Variants in EBAG9 observed in about 807,000 individuals in gnomAD.
EBAG9 encodes the protein estrogen receptor binding site associated antigen 9.
Under a neutral mutation model 30.9 loss-of-function variants are expected in EBAG9, and 16 were observed. That is an observed-to-expected ratio of 0.52 (90% CI 0.35 to 0.79). The LOEUF (loss-of-function observed/expected upper bound fraction) is 0.79. EBAG9 is among the 30% of genes least tolerant of loss of function. The pLI is 0.01. For missense variants in EBAG9, 197 were observed against 242.1 expected (o/e 0.81, Z 1.24); for synonymous variants, 93 against 82.8 (o/e 1.12, Z -0.67).
In EBAG9 at chr8:109,565,149, TTTAC is replaced by T. The variant is rs1821801766; in HGVS notation, c.*594_*597del. 1 of 152,468 alleles carries T rather than the reference TTTAC, an allele frequency of 6.6e-6. No homozygotes were observed. Among genetic ancestry groups the T allele is most frequent in the South Asian group, 2.1e-4 (1 of 4,826 alleles). The allele number at this position is 152,468 out of a possible 1,614,324, so 9.4% of individuals were successfully genotyped here. Reference sequence around the variant, plus strand: ...TGAAAATGACATTAAATGCAATAATTTTACTTATCATAAACATTTTGTACATCAT... The same window carrying T: ...TGAAAATGACATTAAATGCAATAATTTTATCATAAACATTTTGTACATCAT... On this transcript the variant is annotated 3_prime_UTR_variant, in exon 7 of 7. Transcript: ENST00000337573.
At chr8:109,543,119 T>A (rs1304393184) in intron 1 of EBAG9, among the ~76,000 whole-genome samples, 1 of 150,454 alleles carries the variant, frequency 6.6e-6, no homozygotes, top group Non-Finnish European at 1.5e-5. Flanking sequence ...CGAGTACAAT[T>A]TTTAATATTC....
chr8:109,563,740 G>A (rs1161618825), intron 6 of EBAG9, among the ~76,000 whole-genome samples: 10 of 151,822 alleles, frequency 6.6e-5, no homozygotes, highest in Admixed American at 5.9e-4. Context: ...CTCTCCCTCC[G>A]TCTAACCTCA....
At chr8:109,564,132 A>G (rs1340792749) in intron 6 of EBAG9, among the ~76,000 whole-genome samples, 1 of 152,130 alleles carries the variant, frequency 6.6e-6, no homozygotes, top group Non-Finnish European at 1.5e-5. Flanking sequence ...AAGAAGTGTC[A>G]GAAGATGTGA....
rs1257377954 is a variant in EBAG9 at position 109,554,858 on chromosome 8, A to G, written c.292A>G (p.Met98Val). The G allele has an allele frequency of 6.2e-7, 1 of 1,613,600 alleles. No individual in the cohort carries two copies. Among genetic ancestry groups the G allele is most frequent in the African/African-American group, 1.3e-5 (1 of 74,914 alleles). Reference protein sequence around the residue: ...EQLEPDYFKDMTPTIRKTQKI... With the variant: ...EQLEPDYFKDVTPTIRKTQKI... ...ACTGGAACCTGACTATTTTAAGGAC[A>G]TGACACCAACTATTAGGAAAACTCA... The change falls in exon 4 of 7, where the codon ATG becomes GTG. Residue 98 changes from methionine to valine, a missense_variant. Transcript: ENST00000337573.
chr8:109,547,659 T>C (rs996608321), intron 1 of EBAG9, among the ~76,000 whole-genome samples: 2 of 152,026 alleles, frequency 1.3e-5, no homozygotes, highest in Non-Finnish European at 2.9e-5. Context: ...TTTTTGTATT[T>C]TTAGTAGAGA....
At chr8:109,557,868 C>T (rs1821632417) in intron 5 of EBAG9, 1 of 304,282 alleles carries the variant, frequency 3.3e-6, no homozygotes, top group Non-Finnish European at 6.8e-6. Flanking sequence ...TGCTGTGCAC[C>T]TCTCCAAGGA....
At chr8:109,552,622 A>C (rs947905352) in intron 2 of EBAG9, among the ~76,000 whole-genome samples, 1 of 152,344 alleles carries the variant, frequency 6.6e-6, no homozygotes, top group Non-Finnish European at 1.5e-5. Flanking sequence ...GATTACTTCT[A>C]GGATAAGAAA....
intron 4 of EBAG9, 61 bp from the exon 5 acceptor site, chr8:109,556,874 T>A: frequency 1.2e-6 from 1 of 811,492 alleles, no homozygotes; most frequent in Non-Finnish European, 1.8e-6. Context: ...GTTTTGGTTG[T>A]CTATTTTTAT....
chr8:109,545,706 G>A (rs1198762473), intron 1 of EBAG9, among the ~76,000 whole-genome samples: 2 of 152,032 alleles, frequency 1.3e-5, no homozygotes, highest in Non-Finnish European at 2.9e-5. Context: ...CATTGCTATG[G>A]CTGTAGTTTT....
intron 4 of EBAG9, among the ~76,000 whole-genome samples, chr8:109,556,696 A>G (rs1167792279): frequency 5.3e-5 from 8 of 152,148 alleles, no homozygotes; most frequent in Non-Finnish European, 1.2e-4. Context: ...AAAGTAGGAT[A>G]GAAAGAAAGA....
At chr8:109,557,659 A>G (rs1181850042) in intron 5 of EBAG9, 2 of 455,788 alleles carry the variant, frequency 4.4e-6, no homozygotes, top group South Asian at 1.5e-5. Flanking sequence ...AATGTAACAC[A>G]GTTTCTGTGG....
intron 5 of EBAG9, chr8:109,557,601 G>A (rs1821627280): frequency 2.2e-6 from 1 of 448,978 alleles, no homozygotes; most frequent in Non-Finnish European, 4.5e-6. Context: ...ATTATCTGTT[G>A]TTGTGTAACA....
intron 1 of EBAG9, among the ~76,000 whole-genome samples, chr8:109,546,707 G>A (rs907471505): frequency 5.3e-5 from 8 of 152,128 alleles, no homozygotes; most frequent in Admixed American, 1.3e-4. Flanking sequence ...TCTTTTTCCA[G>A]TGTGGCCCAG....
At chr8:109,541,428 T>C (rs1053539247) in intron 1 of EBAG9, among the ~76,000 whole-genome samples, 2 of 152,180 alleles carry the variant, frequency 1.3e-5, no homozygotes, top group Admixed American at 1.3e-4. Flanking sequence ...GGTAAGTGAA[T>C]CTAAGTCTGT....
At position 109,564,661 on chromosome 8, in the gene EBAG9, G is replaced by T; in HGVS notation, c.*102G>T. ...AGTATTTTAAGAAGACATACTGCTT[G>T]ATTTTAATACATTGATCAGGCCATC... On this transcript the variant is annotated 3_prime_UTR_variant, in exon 7 of 7. Coordinates refer to ENST00000337573, the MANE Select transcript of EBAG9 (RefSeq NM_004215.5). The T allele has an allele frequency of 2.0e-6, 3 of 1,498,494 alleles. No homozygotes were observed. The highest frequency in any genetic ancestry group is 2.7e-6 in the Non-Finnish European group (3 of 1,107,182). The allele number at this position is 1,498,494 out of a possible 1,614,324, so 92.8% of individuals were successfully genotyped here.
intron 6 of EBAG9, chr8:109,563,297 A>G: frequency 7.3e-7 from 1 of 1,363,998 alleles, no homozygotes; most frequent in Non-Finnish European, 1.0e-6. Flanking sequence ...ATTTTTCTGC[A>G]TATAACCTAA....
intron 1 of EBAG9, among the ~76,000 whole-genome samples, chr8:109,549,617 A>G (rs990354314): frequency 1.3e-5 from 2 of 151,980 alleles, no homozygotes; most frequent in Non-Finnish European, 2.9e-5. Flanking sequence ...GAAGTTGTCC[A>G]TTTCATCTCA....
At chr8:109,555,159 G>A (rs888692759) in intron 4 of EBAG9, among the ~76,000 whole-genome samples, 3 of 150,594 alleles carry the variant, frequency 2.0e-5, no homozygotes, top group Admixed American at 1.3e-4. Flanking sequence ...ACAGGCCCCA[G>A]TGTATGATGT....
chr8:109,555,093 C>T (rs575434437), intron 4 of EBAG9, among the ~76,000 whole-genome samples: 11 of 151,902 alleles, frequency 7.2e-5, no homozygotes, highest in African/African-American at 2.7e-4. Context: ...ATCAACTCGT[C>T]ATTTAACATT....
Sources: gnomAD v4.1 joint callset for allele counts (sites outside exome capture counted in the v4.1 genomes callset) on GRCh38, gnomAD v4.1.1 for gene constraint, MANE v1.5 for transcripts, NCBI Gene and HGNC (gene_info 2026-07-23, HGNC 2026-07-21) for gene names.